ZNF662: variants seen among roughly 807,000 people sequenced by gnomAD.
ZNF662 encodes the protein zinc finger protein 662.
In ZNF662, 14 loss-of-function variants were observed where a neutral mutation model predicts 12.4. That is an observed-to-expected ratio of 1.13 (90% CI 0.75 to 1.77). The LOEUF (loss-of-function observed/expected upper bound fraction) is 1.77, where lower values mean the gene tolerates loss of function less well. Ranked by LOEUF, ZNF662 falls within the 40% of genes most tolerant of loss-of-function variation. The pLI is 0.00. For missense variants in ZNF662, 550 were observed against 515.6 expected (o/e 1.07, Z -0.65); for synonymous variants, 184 against 176.4 (o/e 1.04, Z -0.34).
In ZNF662 at chr3:42,914,690, A is replaced by C; in HGVS notation, c.617A>C (p.Asp206Ala). ...GGCAAGTGTTTTGATCAAAATGAGGACTTTGATCAACACCAGAAAACTCAT... is the reference window on the plus strand; with the variant it reads ...GGCAAGTGTTTTGATCAAAATGAGGCCTTTGATCAACACCAGAAAACTCAT... ...ECGKCFDQNE[D>A]FDQHQKTHNG... Residue 206 changes from aspartate to alanine, a missense_variant, in exon 5 of 5, where the codon GAC (aspartate) becomes GCC (alanine). Asp to Ala is a moderately radical substitution (Grantham distance 126). Coordinates refer to ENST00000440367, the MANE Select transcript of ZNF662 (RefSeq NM_207404.4). 1 of 1,614,212 alleles carries C rather than the reference A, an allele frequency of 6.2e-7. No individual in the cohort carries two copies. Among genetic ancestry groups the C allele is most frequent in the South Asian group, 1.1e-5 (1 of 91,078 alleles).
chr3:42,917,453 G>T lies in ZNF662; in HGVS notation c.*2099G>T. The T allele has an allele frequency of 1.5e-6, 1 of 683,836 alleles. No individual in the cohort carries two copies. The highest frequency in any genetic ancestry group is 2.6e-6 in the Non-Finnish European group (1 of 380,244). The allele number at this position is 683,836 out of a possible 1,614,324, so 42.4% of individuals were successfully genotyped here. On this transcript the variant is annotated 3_prime_UTR_variant, in exon 5 of 5. Transcript: ENST00000440367. ...ACTTTTTTTTTCTGTTAAAAGGGGA[G>T]ATTCTCAAGCTTCCAGGTGCTACCA...
chr3:42,913,992 G>A (rs963084315), intron 4 of ZNF662, among the ~76,000 whole-genome samples: 12 of 151,800 alleles, frequency 7.9e-5, no homozygotes, highest in African/African-American at 2.4e-4. Flanking sequence ...CCTAAGTCCT[G>A]GCCTGTTCTT....
At chr3:42,912,421 T>A (rs1329245689) in intron 3 of ZNF662, among the ~76,000 whole-genome samples, 1 of 98,224 alleles carries the variant, frequency 1.0e-5, no homozygotes, top group Non-Finnish European at 1.8e-5. Context: ...TTATATATAT[T>A]AATATATATA....
rs751140995 is a variant in ZNF662 at position 42,915,110 on chromosome 3, A to G, written c.1037A>G (p.Asp346Gly). ...DCGKGFMWNS[D>G]LSQHQRVHTG... ...GGGAAGGGCTTCATGTGGAACTCAG[A>G]TCTTTCTCAGCACCAGAGGGTCCAC... The change falls in exon 5 of 5, where the codon GAT (aspartate) becomes GGT (glycine). Residue 346 changes from aspartate to glycine, a missense_variant. Physicochemically the swap from Asp to Gly is moderately conservative, Grantham distance 94 (BLOSUM62 -1). Transcript: ENST00000440367. 1.9e-5 allele frequency: 30 copies of G among 1,614,100 alleles called. No homozygotes were observed. The highest frequency in any genetic ancestry group is 2.5e-5 in the Non-Finnish European group (30 of 1,180,008).
rs540981205 is a variant in ZNF662, at chr3:42,906,675, G to A, written c.-94+507G>A. 9.1e-4 allele frequency among the ~76,000 whole-genome samples: 139 copies of A among 152,322 alleles called. 1 individual carries two copies. The highest frequency in any genetic ancestry group is 3.4e-3 in the Middle Eastern group (1 of 294). On this transcript the variant is annotated intron_variant, in intron 1 of 4. Coordinates refer to ENST00000440367, the MANE Select transcript of ZNF662 (RefSeq NM_207404.4). This position sits in a 1 kb window ranked among gnomAD's most constrained non-coding sequence, Gnocchi z 4.4. ...GCAGAGCGCACAGAGTGCTGTCGGGGGCGATGAATGGCCAGAATTTCAGAG... is the reference window on the plus strand; with the variant it reads ...GCAGAGCGCACAGAGTGCTGTCGGGAGCGATGAATGGCCAGAATTTCAGAG...
At position 42,906,167 on chromosome 3, in the gene ZNF662, G is replaced by C; in HGVS notation, c.-95G>C. ...GGCCTCCCGGATGCTGGGGCCTGGC[G>C]GGTGTGGAGCACGGGGAGTCGGGCG... is the stretch of plus-strand genomic sequence containing the variant. On this transcript the variant is annotated splice_region_variant and 5_prime_UTR_variant, in exon 1 of 5. Coordinates refer to ENST00000440367, the MANE Select transcript of ZNF662 (RefSeq NM_207404.4). The surrounding 1 kb of genome is among the most constrained non-coding windows in gnomAD (Gnocchi z 4.4). 1.8e-6 allele frequency: 1 copy of C among 555,164 alleles called. No homozygotes were observed. The highest frequency in any genetic ancestry group is 3.1e-6 in the Non-Finnish European group (1 of 327,636). The allele number at this position is 555,164 out of a possible 1,614,324, so 34.4% of individuals were successfully genotyped here.
chr3:42,912,657 T>TATATATATTTTTATATATATATAA (rs1559381493), intron 3 of ZNF662, among the ~76,000 whole-genome samples: 7 of 67,474 alleles, frequency 1.0e-4, no homozygotes, highest in South Asian at 5.4e-4. Context: ...TATATAAATA[T>TATATATATTTTTATATATATATAA]ATATATATAT....
intron 2 of ZNF662, 154 bp downstream of exon 2, chr3:42,908,302 G>T: frequency 7.0e-7 from 1 of 1,421,732 alleles, no homozygotes; most frequent in Non-Finnish European, 9.2e-7. Flanking sequence ...CCGTTGGAAA[G>T]TAGGAAGTCC....
chr3:42,913,233 C>A lies in ZNF662; in HGVS notation c.184C>A (p.His62Asn). Residue 62 changes from histidine to asparagine, a missense_variant, in exon 4 of 5, where the codon CAT becomes AAT. Transcript: ENST00000440367. The stretch of plus-strand genomic sequence containing the variant: ...ATTTCTAAAGCCTGCTGGGATTTCC[C>A]ATCCTGAGCAGGTGGAAGAGCCATT... ...YPFLKPAGIS[H>N]PEQVEEPLNL... is the part of the protein sequence containing the mutation. The A allele has an allele frequency of 2.5e-6, 4 of 1,614,006 alleles. No individual in the cohort carries two copies.
rs1035349184 is a variant in ZNF662 at position 42,917,807 on chromosome 3, A to G, written c.*2453A>G. 5.3e-5 allele frequency among the ~76,000 whole-genome samples: 8 copies of G among 152,190 alleles called. No individual in the cohort carries two copies. Among genetic ancestry groups the G allele is most frequent in the African/African-American group, 1.4e-4 (6 of 41,446 alleles). On this transcript the variant is annotated 3_prime_UTR_variant, in exon 5 of 5. Coordinates refer to ENST00000440367, the MANE Select transcript of ZNF662 (RefSeq NM_207404.4). Reference sequence around the variant, plus strand: ...CATCTCAGTTGCTTGGAAGTTGAGCATCTAAATAGGTGGCTTTTGCTGGGT... The same window carrying G: ...CATCTCAGTTGCTTGGAAGTTGAGCGTCTAAATAGGTGGCTTTTGCTGGGT...
rs1198866110 is a variant in ZNF662, at chr3:42,906,332, C to T, written c.-94+164C>T. ...GTCCGGTCTGGCGCGCCCTCGCTTT[C>T]CCAGAGGGCGACCTGGGCTATGGCG... is the stretch of plus-strand genomic sequence containing the variant. On this transcript the variant is annotated intron_variant, in intron 1 of 4. Transcript: ENST00000440367. The surrounding 1 kb of genome is among the most constrained non-coding windows in gnomAD (Gnocchi z 4.4). 1.3e-6 allele frequency: 2 copies of T among 1,528,510 alleles called. No homozygotes were observed. The highest frequency in any genetic ancestry group is 1.8e-6 in the Non-Finnish European group (2 of 1,142,368). The allele number at this position is 1,528,510 out of a possible 1,614,324, so 94.7% of individuals were successfully genotyped here.
chr3:42,912,495 TTA>T lies in ZNF662; in HGVS notation c.152-700_152-699del, dbSNP rs36176787. Among the ~76,000 whole-genome samples the T allele has an allele frequency of 6.5e-5, 6 of 92,336 alleles. No homozygotes were observed. The Admixed American group carries it at 7.3e-4, about 11-fold the overall frequency. 60.6% of individuals were successfully genotyped at this position (92,336 alleles called of 152,430 possible). A position where few individuals can be genotyped will look rare whatever the true frequency, so the allele number is the denominator to read the frequency against. On this transcript the variant is annotated intron_variant, in intron 3 of 4. Transcript: ENST00000440367. ...ATATTTTTATATATTTAATATATAT[TTA>T]TATATTATATATTTGTATATTTAAT...
At chr3:42,913,015 A>G (rs1267049098) in intron 3 of ZNF662, among the ~76,000 whole-genome samples, 186 bp from the exon 4 acceptor site, 1 of 151,710 alleles carries the variant, frequency 6.6e-6, no homozygotes, top group Non-Finnish European at 1.5e-5. Context: ...AGTGCTGGGA[A>G]TACAGGTGTG....
In ZNF662 at chr3:42,914,316, T is replaced by A; in HGVS notation, c.254-11T>A. On this transcript the variant is annotated splice_polypyrimidine_tract_variant and intron_variant, in intron 4 of 4. Transcript: ENST00000440367. ...AATGATGACATTTGAAGCTCCAATTTCTTTTTTCAGAGGGTGTGTTGAAGA... is the reference window on the plus strand; with the variant it reads ...AATGATGACATTTGAAGCTCCAATTACTTTTTTCAGAGGGTGTGTTGAAGA... 6.3e-7 allele frequency: 1 copy of A among 1,575,772 alleles called. No homozygotes were observed. Among genetic ancestry groups the A allele is most frequent in the Admixed American group, 1.9e-5 (1 of 51,718 alleles).
In ZNF662 at chr3:42,915,298, C is replaced by T. The variant is rs145955628; in HGVS notation, c.1225C>T (p.Arg409Cys). ...QNSVLIKHQR[R>C]HARDKPYNCQ... ...TTCTGTCTTAATTAAGCACCAGAGG[C>T]GCCATGCTAGAGACAAACCCTATAA... The change falls in exon 5 of 5, where the codon CGC (arginine) becomes TGC (cysteine). Residue 409 changes from arginine (R) to cysteine (C), a missense_variant. Transcript: ENST00000440367. 3.5e-3 allele frequency: 5,677 copies of T among 1,609,828 alleles called. 15 individuals carry two copies. Among genetic ancestry groups the T allele is most frequent in the Non-Finnish European group, 4.2e-3 (4,959 of 1,178,046 alleles).
chr3:42,912,366 A>G (rs1397717309), intron 3 of ZNF662, among the ~76,000 whole-genome samples: 1 of 103,232 alleles, frequency 9.7e-6, no homozygotes, highest in Admixed American at 1.5e-4. Flanking sequence ...TATATATTAT[A>G]TATGATATAT....
chr3:42,908,948 T>C (rs1427459417), intron 3 of ZNF662, 39 bp downstream of exon 3: 1 of 1,433,274 alleles, frequency 7.0e-7, no homozygotes, highest in Non-Finnish European at 9.8e-7. Flanking sequence ...TGACCAGTTT[T>C]CTTGTCATGA....
At chr3:42,912,415 A>G (rs1351317973) in intron 3 of ZNF662, among the ~76,000 whole-genome samples, 1 of 98,410 alleles carries the variant, frequency 1.0e-5, no homozygotes, top group African/African-American at 4.2e-5. Flanking sequence ...TATATATTAT[A>G]TATATTAATA....
In ZNF662 at chr3:42,917,735, A is replaced by C; in HGVS notation, c.*2381A>C. On this transcript the variant is annotated 3_prime_UTR_variant, in exon 5 of 5. Transcript: ENST00000440367. ...TTTTCTCATACAGCTCCTCAGTGTC[A>C]CCTTTTCCTCTTGCTCAGTAGTCTC... is the stretch of plus-strand genomic sequence containing the variant. The C allele has an allele frequency of 1.7e-6, 1 of 601,858 alleles. No individual in the cohort carries two copies. Among genetic ancestry groups the C allele is most frequent in the Non-Finnish European group, 2.9e-6 (1 of 340,696 alleles). The allele number at this position is 601,858 out of a possible 1,614,324, so 37.3% of individuals were successfully genotyped here.
Sources: gnomAD v4.1 joint callset for allele counts (sites outside exome capture counted in the v4.1 genomes callset) on GRCh38, gnomAD v4.1.1 for gene constraint, Gnocchi (gnomAD v3.1) non-coding constraint, MANE v1.5 for transcripts, NCBI Gene and HGNC (gene_info 2026-07-23, HGNC 2026-07-21) for gene names.